Variants in B3GALT1 observed in about 807,000 individuals in gnomAD.
The protein encoded by B3GALT1 is beta-1,3-galactosyltransferase 1.
In B3GALT1, 10 loss-of-function variants were observed where a neutral mutation model predicts 23.2. The observed-to-expected ratio is 0.43, with a 90% CI of 0.27 to 0.73. The LOEUF (loss-of-function observed/expected upper bound fraction) is 0.73. Ranked by LOEUF, B3GALT1 falls within the 30% of genes least tolerant of loss-of-function variation. B3GALT1 has a pLI of 0.21. For synonymous variants in B3GALT1, 156 were observed against 141.5 expected, an observed-to-expected ratio of 1.10 and a Z score of -0.73; for missense variants, 299 against 405.4, an observed-to-expected ratio of 0.74 and a Z score of 2.25.
intron 2 of B3GALT1, among the ~76,000 whole-genome samples, chr2:167,634,990 G>A (rs1404790065): frequency 6.6e-6 from 1 of 152,108 alleles, no homozygotes; most frequent in African/African-American, 2.4e-5. Context: ...ACATCAAAAA[G>A]CTTATCTACC....
At chr2:167,842,439 A>G (rs1489694063) in intron 4 of B3GALT1, among the ~76,000 whole-genome samples, 5 of 152,224 alleles carry the variant, frequency 3.3e-5, no homozygotes, top group Non-Finnish European at 7.3e-5. Flanking sequence ...GTAAGTGACT[A>G]CTGTTTAGAC....
chr2:167,562,692 G>C (rs1028460617), intron 2 of B3GALT1, among the ~76,000 whole-genome samples: 24 of 146,262 alleles, frequency 1.6e-4, no homozygotes, highest in Middle Eastern at 3.4e-3. Flanking sequence ...GGTGTTTCTC[G>C]CAGAGGGGGA....
At chr2:167,422,136 A>G (rs1244617069) in intron 1 of B3GALT1, among the ~76,000 whole-genome samples, 1 of 150,066 alleles carries the variant, frequency 6.7e-6, no homozygotes, top group African/African-American at 2.5e-5. Context: ...GAGAAGGGGG[A>G]GGAGGAGGGA....
intron 2 of B3GALT1, among the ~76,000 whole-genome samples, chr2:167,579,914 G>A (rs1251398799): frequency 1.3e-5 from 2 of 152,054 alleles, no homozygotes; most frequent in Non-Finnish European, 2.9e-5. Context: ...TAAGTTCCTA[G>A]CCTTTACATA....
chr2:167,854,755 G>C (rs1381462053), intron 4 of B3GALT1, among the ~76,000 whole-genome samples: 4 of 152,148 alleles, frequency 2.6e-5, no homozygotes, highest in African/African-American at 4.8e-5. Context: ...AAAAGCTAAG[G>C]GGGAATTGGA....
chr2:167,451,598 A>G (rs1699092022), intron 1 of B3GALT1, among the ~76,000 whole-genome samples: 2 of 152,166 alleles, frequency 1.3e-5, no homozygotes, highest in South Asian at 2.1e-4. Context: ...GGTGGAGGTG[A>G]CAGGGGAGTG....
At chr2:167,820,421 A>G (rs1157886655) in intron 4 of B3GALT1, among the ~76,000 whole-genome samples, 1 of 152,096 alleles carries the variant, frequency 6.6e-6, no homozygotes, top group Non-Finnish European at 1.5e-5. Context: ...ATGTGGGATG[A>G]CCAGTGAGTT....
rs71031283 is a variant in B3GALT1, at chr2:167,351,955, ATTTTTTTT to A, written c.-511+58637_-511+58644del. ...CTGTGAAAGGAGAAGGCTGTTTTTGATTTTTTTTTTTTTTTTTTTTTTTGAGTCAGAGT... is the reference window on the plus strand; with the variant it reads ...CTGTGAAAGGAGAAGGCTGTTTTTGATTTTTTTTTTTTTTTGAGTCAGAGT... On this transcript the variant is annotated intron_variant, in intron 1 of 4. Transcript: ENST00000392690. Among the ~76,000 whole-genome samples the A allele has an allele frequency of 4.4e-4, 59 of 134,302 alleles. No homozygotes were observed. The East Asian group carries it at 0.012, about 28-fold the overall frequency. The allele number at this position is 134,302 out of a possible 152,430, so 88.1% of individuals were successfully genotyped here.
At chr2:167,498,393 A>G (rs1367896365) in intron 2 of B3GALT1, among the ~76,000 whole-genome samples, 1 of 152,186 alleles carries the variant, frequency 6.6e-6, no homozygotes, top group East Asian at 1.9e-4. Context: ...AAAATGTAGC[A>G]ATAAGTAATA....
At chr2:167,522,565 T>C (rs748626818) in intron 2 of B3GALT1, among the ~76,000 whole-genome samples, 3 of 152,300 alleles carry the variant, frequency 2.0e-5, no homozygotes, top group Non-Finnish European at 4.4e-5. Flanking sequence ...AAAAGACATA[T>C]TTAATTAGAA....
chr2:167,658,656 A>G (rs1313989592), intron 3 of B3GALT1, among the ~76,000 whole-genome samples: 1 of 152,092 alleles, frequency 6.6e-6, no homozygotes, highest in Non-Finnish European at 1.5e-5. Flanking sequence ...TTACCAACAC[A>G]TTAATGGAAA....
intron 1 of B3GALT1, among the ~76,000 whole-genome samples, chr2:167,387,204 C>T (rs1395928903): frequency 6.6e-6 from 1 of 152,038 alleles, no homozygotes; most frequent in Non-Finnish European, 1.5e-5. Flanking sequence ...AATATGCCAT[C>T]CCTAAACTCA....
chr2:167,770,238 C>A (rs951288332), intron 3 of B3GALT1, among the ~76,000 whole-genome samples: 1 of 152,290 alleles, frequency 6.6e-6, no homozygotes, highest in South Asian at 2.1e-4. Context: ...TCCCAAGTAG[C>A]TAGGACTGCA....
chr2:167,408,603 T>TA (rs559334937), intron 1 of B3GALT1, among the ~76,000 whole-genome samples: 72 of 151,792 alleles, frequency 4.7e-4, no homozygotes, highest in African/African-American at 1.6e-3. Context: ...GACTGCAACA[T>TA]AAAAAACTGT....
chr2:167,674,966 G>T (rs761437102), intron 3 of B3GALT1, among the ~76,000 whole-genome samples: 22 of 152,142 alleles, frequency 1.4e-4, no homozygotes, highest in Non-Finnish European at 4.4e-5. Flanking sequence ...TTCAAGACAA[G>T]CAGCCAGCAT....
chr2:167,372,680 G>A (rs908043355), intron 1 of B3GALT1, among the ~76,000 whole-genome samples: 4 of 151,990 alleles, frequency 2.6e-5, no homozygotes, highest in Admixed American at 6.6e-5. Flanking sequence ...TATGATTATT[G>A]ATGCCAAAAG....
intron 1 of B3GALT1, among the ~76,000 whole-genome samples, chr2:167,462,423 A>G (rs1212251193): frequency 5.9e-5 from 9 of 152,182 alleles, no homozygotes. Context: ...AAAATGGCAA[A>G]TGTAATAAAC....
chr2:167,626,790 C>G (rs757627571), intron 2 of B3GALT1, among the ~76,000 whole-genome samples: 9 of 151,662 alleles, frequency 5.9e-5, no homozygotes, highest in Non-Finnish European at 1.2e-4. Flanking sequence ...CAACCAAATA[C>G]ATATAGTAAA....
intron 3 of B3GALT1, among the ~76,000 whole-genome samples, chr2:167,735,268 T>C (rs781090619): frequency 1.3e-5 from 2 of 151,562 alleles, no homozygotes; most frequent in Non-Finnish European, 3.0e-5. Flanking sequence ...CAAATTCTGC[T>C]TTTTTGTTAC....
Sources: allele counts gnomAD v4.1 joint callset (sites outside exome capture counted in the v4.1 genomes callset), GRCh38; gene constraint gnomAD v4.1.1; transcripts MANE v1.5; gene names NCBI Gene and HGNC (gene_info 2026-07-23, HGNC 2026-07-21).